CCDC77: variants seen among roughly 807,000 people sequenced by gnomAD.
The protein encoded by CCDC77 is coiled-coil domain containing 77.
A neutral mutation model predicts 66.8 loss-of-function variants in CCDC77; 56 were observed. The ratio of observed to expected loss-of-function variants is 0.84; its 90% confidence interval spans 0.68 to 1.05. The LOEUF (loss-of-function observed/expected upper bound fraction) is 1.05. Ranked by LOEUF, CCDC77 falls within the 50% of genes least tolerant of loss-of-function variation. The pLI is 0.00. For missense variants in CCDC77, 570 were observed against 576.8 expected (o/e 0.99, Z 0.12); for synonymous variants, 196 against 195.2 (o/e 1.00, Z -0.03).
At chr12:423,859 T>C (rs1463838066) in intron 5 of CCDC77, among the ~76,000 whole-genome samples, 2 of 152,184 alleles carry the variant, frequency 1.3e-5, no homozygotes, top group Non-Finnish European at 2.9e-5. Flanking sequence ...ATTGTGGTTT[T>C]GATTTGCATT....
At chr12:423,308 A>AT (rs146625380) in intron 5 of CCDC77, among the ~76,000 whole-genome samples, 2,694 of 130,682 alleles carry the variant, frequency 0.021, 115 homozygotes, top group African/African-American at 0.071. Flanking sequence ...ATATATATAT[A>AT]TTTTTTTTTT....
intron 4 of CCDC77, 59 bp downstream of exon 4, chr12:412,037 C>A: frequency 8.0e-7 from 1 of 1,248,536 alleles, no homozygotes; most frequent in Non-Finnish European, 1.1e-6. Context: ...ATTAGAGATG[C>A]CCTACAAGTG....
At chr12:408,009 A>C (rs774872619) in intron 2 of CCDC77, among the ~76,000 whole-genome samples, 7 of 151,858 alleles carry the variant, frequency 4.6e-5, no homozygotes, top group Non-Finnish European at 1.0e-4. Context: ...GGATGGTCTC[A>C]ATCTCCTGAC....
rs201895100 is a variant in CCDC77 at position 419,725 on chromosome 12, CTGTG to C, written c.413+1098_413+1101del. 7.1e-3 allele frequency among the ~76,000 whole-genome samples: 21 copies of C among 2,958 alleles called. 2 individuals carry two copies. The highest frequency in any genetic ancestry group is 0.011 in the Non-Finnish European group (15 of 1,364). The allele number at this position is 2,958 out of a possible 152,430, so 1.9% of individuals were successfully genotyped here. On this transcript the variant is annotated intron_variant, in intron 5 of 12. Coordinates refer to ENST00000239830, the MANE Select transcript of CCDC77 (RefSeq NM_032358.4). ...CTCCATGTTCCATTACAGTGCACTT[CTGTG>C]TGTGTGTGCTGGGAGTGAGAGGGTA...
intron 5 of CCDC77, 48 bp from the exon 6 acceptor site, chr12:428,721 T>C: frequency 7.7e-7 from 1 of 1,299,986 alleles, no homozygotes; most frequent in Non-Finnish European, 1.1e-6. Context: ...AAAGGTTACT[T>C]ACTTGGGACA....
chr12:402,353 C>G (rs182571047), intron 1 of CCDC77, among the ~76,000 whole-genome samples: 1 of 152,260 alleles, frequency 6.6e-6, no homozygotes, highest in Admixed American at 6.5e-5. Flanking sequence ...AAAGGCAGTT[C>G]TTTTGCACTT....
chr12:419,155 A>G (rs1449034361), intron 5 of CCDC77, among the ~76,000 whole-genome samples: 2 of 152,224 alleles, frequency 1.3e-5, no homozygotes, highest in African/African-American at 2.4e-5. Context: ...CAGAGGTAGA[A>G]TATGAACGGA....
intron 5 of CCDC77, among the ~76,000 whole-genome samples, chr12:424,911 GTTTC>G (rs1190324773): frequency 1.4e-5 from 2 of 147,958 alleles, no homozygotes; most frequent in Non-Finnish European, 3.0e-5. Context: ...TAGCCACATG[GTTTC>G]TTTCTTTTTT....
intron 1 of CCDC77, among the ~76,000 whole-genome samples, chr12:395,942 G>T (rs1944823620): frequency 6.6e-6 from 1 of 152,028 alleles, no homozygotes; most frequent in South Asian, 2.1e-4. Context: ...TAAATCAAGT[G>T]CAGTGGCATG....
chr12:394,536 G>T (rs1944802005), intron 1 of CCDC77, among the ~76,000 whole-genome samples: 1 of 152,194 alleles, frequency 6.6e-6, no homozygotes, highest in African/African-American at 2.4e-5. Context: ...ATGGCAAATA[G>T]CATCTTAGTA....
rs186889791 is a variant in CCDC77 at position 414,455 on chromosome 12, C to T, written c.270+2477C>T. Among the ~76,000 whole-genome samples the T allele has an allele frequency of 2.4e-3, 369 of 152,308 alleles. 1 individual carries two copies. The highest frequency in any genetic ancestry group is 6.8e-3 in the Middle Eastern group (2 of 294). On this transcript the variant is annotated intron_variant, in intron 4 of 12. Transcript: ENST00000239830. ...CTCTCTGATCAGCTCATCTCAGTGT[C>T]CATTAACAACTCTCTTTCCTTACTC...
At chr12:412,442 A>G (rs1945131278) in intron 4 of CCDC77, among the ~76,000 whole-genome samples, 1 of 152,220 alleles carries the variant, frequency 6.6e-6, no homozygotes, top group African/African-American at 2.4e-5. Flanking sequence ...GTTCTCTGCC[A>G]CGTGTTCTCC....
intron 4 of CCDC77, among the ~76,000 whole-genome samples, chr12:415,359 TTATGTTAATATAATC>T (rs1945214849): frequency 3.6e-5 from 4 of 112,366 alleles, no homozygotes; most frequent in African/African-American, 1.4e-4. Flanking sequence ...CAACATAATA[TTATGTTAATATAATC>T]AACATAATAT....
intron 3 of CCDC77, chr12:409,831 T>TAAAA (rs57102155): frequency 2.2e-5 from 3 of 136,746 alleles, no homozygotes; most frequent in East Asian, 2.2e-4. Flanking sequence ...CCGTCTCTAC[T>TAAAA]AAAAAAAAAA....
chr12:412,601 G>A (rs1190672702), intron 4 of CCDC77, among the ~76,000 whole-genome samples: 2 of 152,208 alleles, frequency 1.3e-5, no homozygotes, highest in African/African-American at 4.8e-5. Context: ...CCCCAGCTGT[G>A]ACAATCAAGA....
At chr12:413,788 T>C (rs1945165781) in intron 4 of CCDC77, among the ~76,000 whole-genome samples, 1 of 151,496 alleles carries the variant, frequency 6.6e-6, no homozygotes, top group South Asian at 2.1e-4. Context: ...CCACCACACC[T>C]GGCTAATTTT....
At chr12:425,211 G>A (rs1180096466) in intron 5 of CCDC77, among the ~76,000 whole-genome samples, 3 of 151,648 alleles carry the variant, frequency 2.0e-5, no homozygotes, top group Admixed American at 6.6e-5. Flanking sequence ...GATGTCAAGC[G>A]TGAGCCACCG....
upstream of CCDC77, among the ~76,000 whole-genome samples, chr12:400,480 TTAAAG>T (rs1565561572): frequency 6.6e-6 from 1 of 152,222 alleles, no homozygotes; most frequent in Non-Finnish European, 1.5e-5. Flanking sequence ...AGCTTTTTAT[TTAAAG>T]TAAGAGATGT....
chr12:415,254 A>G (rs957476080), intron 4 of CCDC77, among the ~76,000 whole-genome samples: 8 of 149,494 alleles, frequency 5.4e-5, no homozygotes, highest in Non-Finnish European at 1.2e-4. Context: ...TCAGTTGTTA[A>G]TATTTATTAA....
Sources: allele counts gnomAD v4.1 joint callset (sites outside exome capture counted in the v4.1 genomes callset), GRCh38; gene constraint gnomAD v4.1.1; transcripts MANE v1.5; gene names NCBI Gene and HGNC (gene_info 2026-07-23, HGNC 2026-07-21).